HERC1: variants seen among roughly 807,000 people sequenced by gnomAD.
HERC1 encodes HECT and RLD domain containing E3 ubiquitin protein ligase family member 1, also known as probable E3 ubiquitin-protein ligase HERC1.
Under a neutral mutation model 554.3 loss-of-function variants are expected in HERC1, and 160 were observed. The ratio of observed to expected loss-of-function variants is 0.29; its 90% CI spans 0.25 to 0.33. The LOEUF (loss-of-function observed/expected upper bound fraction) is 0.33. HERC1 is among the 10% of genes least tolerant of loss of function. The probability of loss-of-function intolerance (pLI) is 1.00; values close to 1 mark genes in which losing one functional copy is unlikely to be tolerated. For missense variants in HERC1, 4,919 were observed against 5,918.5 expected (o/e 0.83, Z 5.54); for synonymous variants, 2,175 against 2,131.7 (o/e 1.02, Z -0.56).
Position 63,811,855 on chromosome 15 carries a change from T to C in HERC1, c.-27+21972A>G, listed in dbSNP as rs768642191. Among the ~76,000 whole-genome samples, 34 of 151,976 alleles carry C rather than the reference T, an allele frequency of 2.2e-4. 1 individual carries two copies. Among genetic ancestry groups the C allele is most frequent in the Non-Finnish European group, 4.9e-4 (33 of 67,986 alleles). ...AGAAAGGAAAAAACAAAGGTTATCT[T>C]TGACAATGAAAGTATACATAGGAAT... is the stretch of plus-strand genomic sequence containing the variant. On this transcript the variant is annotated intron_variant, in intron 1 of 77. Transcript: ENST00000443617.
intron 60 of HERC1, 64 bp downstream of exon 60, chr15:63,641,406 G>A (rs1425351212): frequency 2.1e-6 from 3 of 1,396,154 alleles, no homozygotes; most frequent in African/African-American, 1.4e-5. Context: ...TAAGTTCAAG[G>A]CTATAATCAC....
intron 7 of HERC1, among the ~76,000 whole-genome samples, 183 bp from the exon 8 acceptor site, chr15:63,753,268 C>A (rs970203278): frequency 1.3e-5 from 2 of 152,116 alleles, no homozygotes; most frequent in African/African-American, 4.8e-5. Context: ...AAGTTAACAA[C>A]CACTGATAGC....
At position 63,716,370 on chromosome 15, in the gene HERC1, C is replaced by G; in HGVS notation, c.4082G>C (p.Arg1361Pro). Reference protein sequence around the residue: ...AEMEEQAERDREEGHPEPEDE... With the variant: ...AEMEEQAERDPEEGHPEPEDE... ...CTCTGGCTCCGGATGCCCCTCTTCC[C>G]GGTCTCTCTCAGCCTGTTCTTCCAT... The change falls in exon 22 of 78, where the codon CGG (arginine) becomes CCG (proline). Residue 1361 changes from arginine (R) to proline (P), a missense_variant. Physicochemically the swap from Arg to Pro is moderately radical, Grantham distance 103. Coordinates refer to ENST00000443617, the MANE Select transcript of HERC1 (RefSeq NM_003922.4). 2 of 1,613,840 alleles carry G rather than the reference C, an allele frequency of 1.2e-6. No individual in the cohort carries two copies. Among genetic ancestry groups the G allele is most frequent in the Non-Finnish European group, 1.7e-6 (2 of 1,179,840 alleles).
intron 1 of HERC1, among the ~76,000 whole-genome samples, chr15:63,803,655 T>C (rs1431713076): frequency 1.3e-5 from 2 of 152,222 alleles, no homozygotes. Flanking sequence ...TTCAGTTCCT[T>C]CTTAAAAGTC....
At chr15:63,833,107 A>G (rs1462638091) in intron 1 of HERC1, among the ~76,000 whole-genome samples, 1 of 152,200 alleles carries the variant, frequency 6.6e-6, no homozygotes, top group African/African-American at 2.4e-5. Flanking sequence ...CACCCATCAC[A>G]GAACAGATTT....
Position 63,756,605 on chromosome 15 carries a change from T to G in HERC1, c.1365A>C (p.Arg455Ser). 6.2e-7 allele frequency: 1 copy of G among 1,613,928 alleles called. No homozygotes were observed. Among genetic ancestry groups the G allele is most frequent in the Non-Finnish European group, 8.5e-7 (1 of 1,179,836 alleles). Residue 455 changes from arginine (R) to serine (S), a missense_variant, in exon 5 of 78, where the codon AGA becomes AGC. By Grantham distance (110) the Arg-to-Ser change is moderately radical. This residue lies in a region of HERC1 where 744 missense variants were observed against 1,090.0 expected (regional missense o/e 0.68). Transcript: ENST00000443617. This position sits in a 1 kb window ranked among gnomAD's most constrained non-coding sequence, Gnocchi z 5.0. ...TLKKLTFEPH[R>S]SIKKVSSSKG... ...TAGAAGATGAAACCTTTTTAATGGATCTGTGAGGCTCGAATGTTAACTTTT... is the reference window on the plus strand; with the variant it reads ...TAGAAGATGAAACCTTTTTAATGGAGCTGTGAGGCTCGAATGTTAACTTTT...
At chr15:63,719,022 GC>G (rs1331738932) in intron 19 of HERC1, 125 bp from the exon 20 acceptor site, 1 of 640,906 alleles carries the variant, frequency 1.6e-6, no homozygotes, top group Non-Finnish European at 2.7e-6. Context: ...CTTAACAAAT[GC>G]ACCTCATTAG....
At chr15:63,793,828 T>G (rs2076728214) in intron 1 of HERC1, among the ~76,000 whole-genome samples, 1 of 152,110 alleles carries the variant, frequency 6.6e-6, no homozygotes, top group African/African-American at 2.4e-5. Flanking sequence ...CAACTCCACC[T>G]TGAGTAGGAG....
rs1219425758 is a variant in HERC1 at position 63,663,079 on chromosome 15, C to G, written c.8806G>C (p.Asp2936His). 6.2e-7 allele frequency: 1 copy of G among 1,613,986 alleles called. No homozygotes were observed. Among genetic ancestry groups the G allele is most frequent in the South Asian group, 1.1e-5 (1 of 91,080 alleles). ...LDEELEIDLD[D>H]EAMEAMFGQD... is the part of the protein sequence containing the mutation. Reference sequence around the variant, plus strand: ...CCAAACATAGCTTCCATCGCCTCATCATCAAGATCAATTTCCAATTCCTCA... The same window carrying G: ...CCAAACATAGCTTCCATCGCCTCATGATCAAGATCAATTTCCAATTCCTCA... Residue 2936 changes from aspartate (D) to histidine (H), a missense_variant, in exon 44 of 78, where the codon GAT (aspartate) becomes CAT (histidine). Physicochemically the swap from Asp to His is moderately conservative, Grantham distance 81 (BLOSUM62 -1). This residue lies in a region of HERC1 where 1,963 missense variants were observed against 2,228.6 expected (regional missense o/e 0.88). Transcript: ENST00000443617.
intron 1 of HERC1, among the ~76,000 whole-genome samples, chr15:63,811,407 A>G (rs1317772594): frequency 1.3e-5 from 2 of 152,180 alleles, no homozygotes; most frequent in Non-Finnish European, 2.9e-5. Flanking sequence ...ATCTAGGTGA[A>G]AAGCGCTATT....
In HERC1 at chr15:63,655,786, G is replaced by A; in HGVS notation, c.10040C>T (p.Ala3347Val). 1 of 1,573,430 alleles carries A rather than the reference G, an allele frequency of 6.4e-7. No homozygotes were observed. Among genetic ancestry groups the A allele is most frequent in the Non-Finnish European group, 8.6e-7 (1 of 1,157,910 alleles). The change falls in exon 50 of 78, where the codon GCC becomes GTC. Residue 3347 changes from alanine to valine, a missense_variant. Physicochemically the swap from Ala to Val is moderately conservative, Grantham distance 64 (BLOSUM62 0). Around this residue, in one of 11 missense-constraint regions of HERC1, gnomAD observed 1,963 missense variants for 2,228.6 expected, o/e 0.88. Coordinates refer to ENST00000443617, the MANE Select transcript of HERC1 (RefSeq NM_003922.4). ...CTTATCATAGTTAGGTCTTAGTTTG[G>A]CCCCTTTGTCTGCTAGCAATGCCAC... ...ALVALLADKG[A>V]KLRPNYDKSE...
rs894924589 is a variant in HERC1 at position 63,648,291 on chromosome 15, T to C, written c.10748-92A>G. ...GAGACTTTGAAACAAATAATGATAA[T>C]GCAACCATTGCAAGTAAATTTCCAA... On this transcript the variant is annotated intron_variant, in intron 54 of 77. Transcript: ENST00000443617. 2.0e-5 allele frequency: 25 copies of C among 1,233,200 alleles called. No individual in the cohort carries two copies. The African/African-American group carries it at 2.7e-4, about 13-fold the overall frequency. 76.4% of individuals were successfully genotyped at this position (1,233,200 alleles called of 1,614,324 possible). A position where few individuals can be genotyped will look rare whatever the true frequency, so the allele number is the denominator to read the frequency against.
In HERC1 at chr15:63,643,413, C is replaced by A; in HGVS notation, c.11322G>T (p.Trp3774Cys). The A allele has an allele frequency of 1.2e-6, 2 of 1,612,646 alleles. No homozygotes were observed. Among genetic ancestry groups the A allele is most frequent in the Non-Finnish European group, 1.7e-6 (2 of 1,179,290 alleles). Residue 3774 changes from tryptophan to cysteine, a missense_variant, in exon 58 of 78, where the codon TGG (tryptophan) becomes TGT (cysteine). Physicochemically the swap from Trp to Cys is radical, Grantham distance 215 (BLOSUM62 -2). This residue lies in a region of HERC1 where 1,963 missense variants were observed against 2,228.6 expected (regional missense o/e 0.88). Transcript: ENST00000443617. The stretch of plus-strand genomic sequence containing the variant: ...AAATCTATGCTCTTACCCTTAAAGA[C>A]CAAATGTTCATGAGCCCACCTAGTC... ...SGGLGGLMNIWSLRDGSVLQT... is the reference protein window; with the variant it reads ...SGGLGGLMNICSLRDGSVLQT...
Position 63,624,013 on chromosome 15 carries a change from C to T in HERC1, c.13446-123G>A, listed in dbSNP as rs1045161844. On this transcript the variant is annotated intron_variant, in intron 72 of 77. Transcript: ENST00000443617. ...ACAGGCAAGCACTGTGCTAGGCCCA[C>T]TGTAACCACACCAGGTACTAATGTA... 2.2e-5 allele frequency: 27 copies of T among 1,255,456 alleles called. No homozygotes were observed. The Middle Eastern group carries it at 6.7e-4, about 31-fold the overall frequency. The allele number at this position is 1,255,456 out of a possible 1,614,324, so 77.8% of individuals were successfully genotyped here. A position where few individuals can be genotyped will look rare whatever the true frequency, so the allele number is the denominator to read the frequency against.
intron 34 of HERC1, among the ~76,000 whole-genome samples, chr15:63,683,434 C>G (rs57723091): frequency 0.17 from 25,288 of 152,094 alleles, 2,337 homozygotes; most frequent in Middle Eastern, 0.22. Flanking sequence ...GAGATATAGA[C>G]ATATGCTTTT....
intron 39 of HERC1, 97 bp from the exon 40 acceptor site, chr15:63,669,795 T>C: frequency 9.1e-7 from 1 of 1,100,892 alleles, no homozygotes; most frequent in Non-Finnish European, 1.3e-6. Context: ...CCTGGAAGAC[T>C]AAACAGGTTA....
intron 77 of HERC1, among the ~76,000 whole-genome samples, chr15:63,609,916 G>A (rs2067516034): frequency 6.6e-6 from 1 of 152,114 alleles, no homozygotes; most frequent in Admixed American, 6.6e-5. Flanking sequence ...ACATTAGGAG[G>A]TTAAAGGCAG....
chr15:63,678,240 T>A lies in HERC1; in HGVS notation c.6675A>T (p.Arg2225=), dbSNP rs751764507. 6.2e-7 allele frequency: 1 copy of A among 1,613,916 alleles called. No homozygotes were observed. The highest frequency in any genetic ancestry group is 1.1e-5 in the South Asian group (1 of 91,068). ...ATIQLIRILH[R]TDRWTYCINK... Reference sequence around the variant, plus strand: ...TAATGCAGTAAGTCCAACGGTCTGTTCGGTGAAGGATACGGATGAGCTGAA... The same window carrying A: ...TAATGCAGTAAGTCCAACGGTCTGTACGGTGAAGGATACGGATGAGCTGAA... The change falls in exon 37 of 78, where the codon CGA becomes CGT. Residue 2225 remains arginine (R), a synonymous_variant. Coordinates refer to ENST00000443617, the MANE Select transcript of HERC1 (RefSeq NM_003922.4).
chr15:63,754,969 A>G (rs980859838), intron 6 of HERC1, among the ~76,000 whole-genome samples: 19 of 152,286 alleles, frequency 1.2e-4, no homozygotes, highest in Non-Finnish European at 2.6e-4. Flanking sequence ...CAGGATCATG[A>G]TGGTATTGCT....
Sources: gnomAD v4.1 joint callset for allele counts (sites outside exome capture counted in the v4.1 genomes callset) on GRCh38, gnomAD v4.1.1 for gene constraint, gnomAD v4.1.1 regional missense constraint, Gnocchi (gnomAD v3.1) non-coding constraint, MANE v1.5 for transcripts, NCBI Gene and HGNC (gene_info 2026-07-23, HGNC 2026-07-21) for gene names.